Variants in WHRN observed in about 807,000 individuals in gnomAD.
WHRN encodes the protein whirlin, also known as CASK-interacting protein CIP98.
A neutral mutation model predicts 68.3 loss-of-function variants in WHRN; 41 were observed. That is an observed-to-expected ratio of 0.60 (90% CI 0.47 to 0.78). The LOEUF (loss-of-function observed/expected upper bound fraction) is 0.78. Ranked by LOEUF, WHRN falls within the 30% of genes least tolerant of loss-of-function variation. The probability of loss-of-function intolerance (pLI) is 0.00; values close to 1 mark genes in which losing one functional copy is unlikely to be tolerated. For synonymous variants in WHRN, 560 were observed against 561.3 expected (o/e 1.00, Z 0.03); for missense variants, 1,243 against 1,244.7 (o/e 1.00, Z 0.02).
chr9:114,504,832 C>A lies in WHRN; in HGVS notation c.-31G>T. The A allele has an allele frequency of 7.2e-7, 1 of 1,380,072 alleles. No individual in the cohort carries two copies. Among genetic ancestry groups the A allele is most frequent in the Non-Finnish European group, 9.3e-7 (1 of 1,078,968 alleles). The allele number at this position is 1,380,072 out of a possible 1,614,324, so 85.5% of individuals were successfully genotyped here. On this transcript the variant is annotated 5_prime_UTR_variant, in exon 1 of 12. Coordinates refer to ENST00000362057, the MANE Select transcript of WHRN (RefSeq NM_015404.4). ...CGCCGAGGCCCGGCCGGGCTCTGAG[C>A]GCGCGGGGTGTGGGCGGTGCCGCTG...
intron 9 of WHRN, 55 bp downstream of exon 9, chr9:114,406,300 C>A: frequency 6.2e-7 from 1 of 1,610,272 alleles, no homozygotes; most frequent in Non-Finnish European, 8.5e-7. Flanking sequence ...GGTAGACTGA[C>A]CTGAAGAGGA....
intron 9 of WHRN, 42 bp downstream of exon 9, chr9:114,406,313 G>C (rs766131642): frequency 1.2e-6 from 2 of 1,612,562 alleles, no homozygotes; most frequent in South Asian, 2.2e-5. Context: ...GAAGAGGACA[G>C]GGACCCCCAA....
At chr9:114,475,148 G>A (rs1841545252) in intron 2 of WHRN, among the ~76,000 whole-genome samples, 1 of 152,108 alleles carries the variant, frequency 6.6e-6, no homozygotes, top group South Asian at 2.1e-4. Context: ...GCCCACTTTG[G>A]GGTATGTATC....
chr9:114,404,229 G>A, intron 9 of WHRN, 152 bp from the exon 10 acceptor site: 2 of 862,344 alleles, frequency 2.3e-6, no homozygotes, highest in South Asian at 2.9e-5. Flanking sequence ...GGGCCAGAGG[G>A]CAGGTCCACT....
chr9:114,425,127 G>T, intron 4 of WHRN, 103 bp from the exon 5 acceptor site: 1 of 1,215,776 alleles, frequency 8.2e-7, no homozygotes, highest in Non-Finnish European at 1.2e-6. Context: ...AGCTTCAAGA[G>T]AACCATGCAT....
chr9:114,497,190 C>G (rs1210604230), intron 1 of WHRN, among the ~76,000 whole-genome samples: 1 of 152,116 alleles, frequency 6.6e-6, no homozygotes, highest in East Asian at 1.9e-4. Context: ...ATTTGGGGAC[C>G]TGTTTATGGA....
At chr9:114,403,464 C>T (rs1008755270) in intron 10 of WHRN, 125 bp from the exon 11 acceptor site, 33 of 1,292,174 alleles carry the variant, frequency 2.6e-5, no homozygotes, top group Non-Finnish European at 3.6e-5. Flanking sequence ...TGTCGGGAGC[C>T]TCAGGTGTGC....
In WHRN at chr9:114,478,646, C is replaced by T. The variant is rs397517259; in HGVS notation, c.744G>A (p.Ser248=). The T allele has an allele frequency of 9.3e-6, 15 of 1,613,536 alleles. No individual in the cohort carries two copies. The highest frequency in any genetic ancestry group is 1.3e-5 in the Non-Finnish European group (15 of 1,179,966). Residue 248 remains serine, a synonymous_variant, in exon 2 of 12, where the codon TCG becomes TCA. Transcript: ENST00000362057. ...CACCACCGTGGGGCTGGGGCAGGCC[C>T]GAGGGTGGGGAGATGCTGCGGCCCT... ...DPQGRSISPP[S]GLPQPHGGAL...
chr9:114,408,097 T>C (rs760819442), intron 7 of WHRN, 79 bp from the exon 8 acceptor site: 7 of 1,231,542 alleles, frequency 5.7e-6, no homozygotes, highest in African/African-American at 3.0e-5. Context: ...CACACCAAAA[T>C]TGAGGAAGTC....
chr9:114,416,007 G>A (rs989254954), intron 7 of WHRN, among the ~76,000 whole-genome samples: 2 of 152,186 alleles, frequency 1.3e-5, no homozygotes, highest in African/African-American at 4.8e-5. Flanking sequence ...CAAGGAGGGA[G>A]GCACAGAGGC....
chr9:114,484,237 G>C (rs2133206276), intron 1 of WHRN, among the ~76,000 whole-genome samples: 1 of 152,316 alleles, frequency 6.6e-6, no homozygotes, highest in South Asian at 2.1e-4. Flanking sequence ...CTGTGTCCTT[G>C]CTCTTTGTAG....
chr9:114,496,770 G>A (rs1031729991), intron 1 of WHRN, among the ~76,000 whole-genome samples: 1 of 152,222 alleles, frequency 6.6e-6, no homozygotes, highest in Non-Finnish European at 1.5e-5. Flanking sequence ...CAAGGTCACA[G>A]CCAAGTTACA....
At position 114,441,636 on chromosome 9, in the gene WHRN, C is replaced by G. The variant is rs138684807; in HGVS notation, c.964-15223G>C. On this transcript the variant is annotated intron_variant, in intron 3 of 11. Coordinates refer to ENST00000362057, the MANE Select transcript of WHRN (RefSeq NM_015404.4). ...ACAGAAGCCAGGCTGAAGGCTCTGC[C>G]ATATCCAAATCTGGGACACTCTGAG... 5.5e-4 allele frequency among the ~76,000 whole-genome samples: 83 copies of G among 152,274 alleles called. 2 individuals carry two copies. The highest frequency in any genetic ancestry group is 4.6e-3 in the East Asian group (24 of 5,190).
chr9:114,440,278 C>T (rs1192468332), intron 3 of WHRN, among the ~76,000 whole-genome samples: 9 of 152,048 alleles, frequency 5.9e-5, no homozygotes, highest in Non-Finnish European at 1.0e-4. Flanking sequence ...CACAGTGTTG[C>T]CCAGGCTCAG....
At chr9:114,419,450 C>T (rs759808739) in intron 7 of WHRN, among the ~76,000 whole-genome samples, 14 of 152,226 alleles carry the variant, frequency 9.2e-5, no homozygotes, top group African/African-American at 3.1e-4. Flanking sequence ...GATCGCTGCC[C>T]TCAAGCAGTC....
intron 7 of WHRN, among the ~76,000 whole-genome samples, chr9:114,422,030 G>C (rs1836334331): frequency 6.6e-6 from 1 of 152,212 alleles, no homozygotes; most frequent in Admixed American, 6.5e-5. Context: ...TTGCAAAAGA[G>C]AAGGGTGCAT....
At chr9:114,410,827 T>C (rs1185470105) in intron 7 of WHRN, among the ~76,000 whole-genome samples, 1 of 152,106 alleles carries the variant, frequency 6.6e-6, no homozygotes, top group African/African-American at 2.4e-5. Flanking sequence ...TATGTGGTGG[T>C]TGGGGGGATT....
At chr9:114,489,975 T>C (rs1842849725) in intron 1 of WHRN, among the ~76,000 whole-genome samples, 1 of 152,244 alleles carries the variant, frequency 6.6e-6, no homozygotes, top group Non-Finnish European at 1.5e-5. Flanking sequence ...TTTGGAATGA[T>C]GACATAACTG....
Position 114,428,396 on chromosome 9 carries a change from G to T in WHRN, c.964-1983C>A, listed in dbSNP as rs78516636. Among the ~76,000 whole-genome samples, 456 of 152,276 alleles carry T rather than the reference G, an allele frequency of 3.0e-3. 6 individuals are homozygous for T. The highest frequency in any genetic ancestry group is 0.01 in the African/African-American group (433 of 41,558). On this transcript the variant is annotated intron_variant, in intron 3 of 11. Coordinates refer to ENST00000362057, the MANE Select transcript of WHRN (RefSeq NM_015404.4). ...CTATTCCAACTCCAGGACCATCTCT[G>T]CTGCAGCTCAGAGATGCACATTACA...
Sources: gnomAD v4.1 joint callset for allele counts (sites outside exome capture counted in the v4.1 genomes callset) on GRCh38, gnomAD v4.1.1 for gene constraint, MANE v1.5 for transcripts, NCBI Gene and HGNC (gene_info 2026-07-23, HGNC 2026-07-21) for gene names.